ADIPOR2: variants seen among roughly 807,000 people sequenced by gnomAD.
ADIPOR2 encodes the protein adiponectin receptor protein 2.
Under a neutral mutation model 40.9 loss-of-function variants are expected in ADIPOR2, and 18 were observed. The ratio of observed to expected loss-of-function variants is 0.44; its 90% CI spans 0.30 to 0.65. The LOEUF is 0.65. Ranked by LOEUF, ADIPOR2 falls within the 30% of genes least tolerant of loss-of-function variation. The pLI, the probability that ADIPOR2 is intolerant of heterozygous loss-of-function variation, is 0.09. For synonymous variants in ADIPOR2, 165 were observed against 166.4 expected, an observed-to-expected ratio of 0.99 and a Z score of 0.06; for missense variants, 283 against 479.2, an observed-to-expected ratio of 0.59 and a Z score of 3.82.
At chr12:1,703,169 C>T (rs2094653966) in intron 1 of ADIPOR2, among the ~76,000 whole-genome samples, 2 of 152,066 alleles carry the variant, frequency 1.3e-5, no homozygotes, top group South Asian at 4.1e-4. Context: ...TTTTTGTAGA[C>T]ATTAAGAGAA....
At chr12:1,778,176 A>C in intron 4 of ADIPOR2, 151 bp downstream of exon 4, 1 of 895,674 alleles carries the variant, frequency 1.1e-6, no homozygotes, top group South Asian at 2.0e-5. Context: ...TGACTGGTTT[A>C]CTCGTAGTTT....
chr12:1,775,003 A>G (rs1211858618), intron 3 of ADIPOR2, among the ~76,000 whole-genome samples: 2 of 102,698 alleles, frequency 1.9e-5, no homozygotes, highest in Non-Finnish European at 4.0e-5. Context: ...ATGCCCGGCT[A>G]ATTTTTGTAT....
chr12:1,718,704 C>T (rs1477073153), intron 1 of ADIPOR2, among the ~76,000 whole-genome samples: 4 of 152,152 alleles, frequency 2.6e-5, no homozygotes, highest in African/African-American at 9.7e-5. Context: ...GGAAGATTCT[C>T]ATTGGTATCT....
At chr12:1,767,416 G>T (rs141784392) in intron 2 of ADIPOR2, among the ~76,000 whole-genome samples, 2 of 151,856 alleles carry the variant, frequency 1.3e-5, no homozygotes, top group East Asian at 3.9e-4. Flanking sequence ...TATTCATATA[G>T]ACTAGATATT....
At chr12:1,782,854 C>G (rs1470351560) in intron 6 of ADIPOR2, among the ~76,000 whole-genome samples, 2 of 151,996 alleles carry the variant, frequency 1.3e-5, no homozygotes, top group African/African-American at 4.8e-5. Context: ...CTCCCATCCC[C>G]CACCCCCATT....
At chr12:1,725,112 TA>T (rs2094705207) in intron 1 of ADIPOR2, among the ~76,000 whole-genome samples, 1 of 131,954 alleles carries the variant, frequency 7.6e-6, no homozygotes, top group African/African-American at 2.7e-5. Context: ...AACATCCAAA[TA>T]CCGCAAACTT....
chr12:1,774,411 A>T (rs1862544728), intron 3 of ADIPOR2, among the ~76,000 whole-genome samples: 1 of 152,224 alleles, frequency 6.6e-6, no homozygotes, highest in South Asian at 2.1e-4. Context: ...ATGACAGCAG[A>T]ATGAAGAGGC....
chr12:1,780,729 T>C lies in ADIPOR2; in HGVS notation c.650+92T>C. On this transcript the variant is annotated intron_variant, in intron 5 of 7. Coordinates refer to ENST00000357103, the MANE Select transcript of ADIPOR2 (RefSeq NM_024551.3). ...AGCAGAGTTGGCAGAATTCTTAATA[T>C]CATCTCATGCAAACTTTTTTTTTTT... is the stretch of plus-strand genomic sequence containing the variant. 3.5e-6 allele frequency: 5 copies of C among 1,411,032 alleles called. No homozygotes were observed. The South Asian group carries it at 4.4e-5, about 13-fold the overall frequency. The allele number at this position is 1,411,032 out of a possible 1,614,324, so 87.4% of individuals were successfully genotyped here. A position where few individuals can be genotyped will look rare whatever the true frequency, so the allele number is the denominator to read the frequency against.
At chr12:1,757,915 T>C in intron 2 of ADIPOR2, 5 of 862,808 alleles carry the variant, frequency 5.8e-6, no homozygotes, top group Non-Finnish European at 8.0e-6. Context: ...TGGGGACTAG[T>C]GGATGGACGA....
At chr12:1,748,500 G>A (rs570094697) in intron 1 of ADIPOR2, among the ~76,000 whole-genome samples, 193 of 152,102 alleles carry the variant, frequency 1.3e-3, no homozygotes, top group Non-Finnish European at 2.0e-3. Context: ...TGCCCACCTC[G>A]GCCTCCCAAA....
chr12:1,736,697 G>T (rs1246005844), intron 1 of ADIPOR2, among the ~76,000 whole-genome samples: 3 of 152,142 alleles, frequency 2.0e-5, no homozygotes, highest in African/African-American at 7.2e-5. Flanking sequence ...TCTTTTAATT[G>T]TGATGTTAGG....
chr12:1,779,837 T>G (rs1449938780), intron 4 of ADIPOR2, among the ~76,000 whole-genome samples: 2 of 152,212 alleles, frequency 1.3e-5, no homozygotes, highest in Non-Finnish European at 2.9e-5. Flanking sequence ...TTGTGTTAGG[T>G]GGCCCCTCCC....
At chr12:1,727,184 A>G (rs1354678464) in intron 1 of ADIPOR2, among the ~76,000 whole-genome samples, 2 of 152,186 alleles carry the variant, frequency 1.3e-5, no homozygotes, top group African/African-American at 4.8e-5. Context: ...TTTAGGCAGA[A>G]TTAGTGATTC....
chr12:1,784,177 G>C, intron 7 of ADIPOR2, 104 bp downstream of exon 7: 1 of 1,272,316 alleles, frequency 7.9e-7, no homozygotes, highest in Non-Finnish European at 1.1e-6. Context: ...AGTCAGGAGA[G>C]TTGTATCCTG....
intron 1 of ADIPOR2, among the ~76,000 whole-genome samples, chr12:1,723,741 T>C (rs1024912438): frequency 2.0e-5 from 3 of 151,988 alleles, no homozygotes; most frequent in Admixed American, 1.3e-4. Context: ...ACTATATCAT[T>C]CCAAAAGCCG....
rs1346060559 is a variant in ADIPOR2, at chr12:1,754,929, GGTCTCGAACTCCTTA to G, written c.171+416_171+430del. On this transcript the variant is annotated intron_variant, in intron 2 of 7. Transcript: ENST00000357103. ...GAGGTTTTGCCATGTTGGCCAGGCT[GGTCTCGAACTCCTTA>G]CCTCAGGTATCCTCCCACCTCGGCC... is the stretch of plus-strand genomic sequence containing the variant. Among the ~76,000 whole-genome samples, 15 of 100,308 alleles carry G rather than the reference GGTCTCGAACTCCTTA, an allele frequency of 1.5e-4. 3 individuals are homozygous for G. Among genetic ancestry groups the G allele is most frequent in the South Asian group, 3.4e-4 (1 of 2,956 alleles). 65.8% of individuals were successfully genotyped at this position (100,308 alleles called of 152,430 possible).
intron 1 of ADIPOR2, among the ~76,000 whole-genome samples, chr12:1,739,477 G>A (rs1236586703): frequency 6.6e-6 from 1 of 152,164 alleles, no homozygotes; most frequent in African/African-American, 2.4e-5. Flanking sequence ...AAAGATTGGT[G>A]TTTACATTTA....
At position 1,777,373 on chromosome 12, in the gene ADIPOR2, TTTTTCTTTC is replaced by T. The variant is rs556288330; in HGVS notation, c.292-476_292-468del. ...CTAAGGCCCCCACTTAAAAGTATAT[TTTTTCTTTC>T]TTTTTTTTTTTTTTTTTTTTTGAGG... On this transcript the variant is annotated intron_variant, in intron 3 of 7. Transcript: ENST00000357103. 1.1e-3 allele frequency among the ~76,000 whole-genome samples: 120 copies of T among 112,350 alleles called. 3 individuals are homozygous for T. In the South Asian group the frequency reaches 0.03, roughly 28 times the overall value. 73.7% of individuals were successfully genotyped at this position (112,350 alleles called of 152,430 possible).
intron 2 of ADIPOR2, among the ~76,000 whole-genome samples, chr12:1,759,403 T>A (rs1361728281): frequency 6.6e-6 from 1 of 152,220 alleles, no homozygotes; most frequent in African/African-American, 2.4e-5. Flanking sequence ...AGATTGGCAT[T>A]CACATGCCAA....
Sources: allele counts gnomAD v4.1 joint callset (sites outside exome capture counted in the v4.1 genomes callset), GRCh38; gene constraint gnomAD v4.1.1; transcripts MANE v1.5; gene names NCBI Gene and HGNC (gene_info 2026-07-23, HGNC 2026-07-21).